The following PAK1 variants were observed in gnomAD, a reference collection of about 807,000 sequenced individuals.
PAK1 encodes p21 (RAC1) activated kinase 1.
In PAK1, 29 loss-of-function variants were observed where a neutral mutation model predicts 67.4. That is an observed-to-expected ratio of 0.43 (90% CI 0.32 to 0.59). The LOEUF (loss-of-function observed/expected upper bound fraction) is 0.59, where lower values mean the gene tolerates loss of function less well. Ranked by LOEUF, PAK1 falls within the 20% of genes least tolerant of loss-of-function variation. PAK1 has a pLI of 0.07. For synonymous variants in PAK1, 223 were observed against 237.4 expected (o/e 0.94, Z 0.56); for missense variants, 337 against 670.7 (o/e 0.50, Z 5.50).
chr11:77,456,089 C>T (rs1220422834), intron 1 of PAK1, among the ~76,000 whole-genome samples: 1 of 152,128 alleles, frequency 6.6e-6, no homozygotes, highest in Non-Finnish European at 1.5e-5. Flanking sequence ...TACCACTGCA[C>T]ATACTAGTTT....
Position 77,423,438 on chromosome 11 carries a change from CA to C in PAK1, c.-21-30898del, listed in dbSNP as rs1565692440. ...ACACACACACACACACACACACACA[CA>C]CACCCCTTAGGACAATAGTAATCAT... On this transcript the variant is annotated intron_variant, in intron 1 of 14. Transcript: ENST00000356341. Among the ~76,000 whole-genome samples, 24 of 151,034 alleles carry C rather than the reference CA, an allele frequency of 1.6e-4. No homozygotes were observed. The East Asian group carries it at 1.9e-3, about 12-fold the overall frequency.
the PAK1 span, among the ~76,000 whole-genome samples, chr11:77,515,221 G>A: frequency 1.3e-5 from 2 of 152,126 alleles, no homozygotes; most frequent in East Asian, 1.9e-4. Context: ...GTTAGCAAAC[G>A]TCACTGACTC....
At chr11:77,527,078 G>C in the PAK1 span, among the ~76,000 whole-genome samples, 1 of 152,024 alleles carries the variant, frequency 6.6e-6, no homozygotes, top group Non-Finnish European at 1.5e-5. Context: ...TAAGTGGATT[G>C]GTATAAGGTA....
At chr11:77,509,647 C>G in the PAK1 span, among the ~76,000 whole-genome samples, 1 of 152,146 alleles carries the variant, frequency 6.6e-6, no homozygotes, top group Non-Finnish European at 1.5e-5. Flanking sequence ...GGTGTTGGTT[C>G]ATGGCGGGTG....
intron 9 of PAK1, chr11:77,347,112 C>T (rs773494627): frequency 4.4e-6 from 2 of 455,862 alleles, no homozygotes; most frequent in East Asian, 6.9e-5. Flanking sequence ...CCTGACCACA[C>T]TGCATTAGCC....
intron 1 of PAK1, among the ~76,000 whole-genome samples, chr11:77,447,535 C>T (rs920021345): frequency 2.8e-5 from 4 of 144,692 alleles, no homozygotes; most frequent in African/African-American, 1.0e-4. Context: ...GAAACAGATT[C>T]TTTTTTTTTT....
chr11:77,527,985 G>A, the PAK1 span, among the ~76,000 whole-genome samples: 2 of 152,022 alleles, frequency 1.3e-5, no homozygotes, highest in Non-Finnish European at 2.9e-5. Flanking sequence ...AAGTAGCTGG[G>A]ACTACAGGCG....
chr11:77,330,704 C>A (rs893443626), intron 14 of PAK1, among the ~76,000 whole-genome samples: 5 of 152,134 alleles, frequency 3.3e-5, no homozygotes, highest in Non-Finnish European at 5.9e-5. Context: ...CTAGGCAATA[C>A]CATTCAGGAC....
At chr11:77,412,919 A>T (rs1954713924) in intron 1 of PAK1, among the ~76,000 whole-genome samples, 1 of 152,218 alleles carries the variant, frequency 6.6e-6, no homozygotes, top group African/African-American at 2.4e-5. Flanking sequence ...ATGGAACCTG[A>T]GCTGAACAAC....
chr11:77,373,352 C>T (rs1948681674), intron 5 of PAK1, among the ~76,000 whole-genome samples: 1 of 151,736 alleles, frequency 6.6e-6, no homozygotes, highest in Admixed American at 6.6e-5. Flanking sequence ...TAATGAGAAC[C>T]ACATCTCTAC....
At chr11:77,523,635 G>C in the PAK1 span, among the ~76,000 whole-genome samples, 1 of 152,058 alleles carries the variant, frequency 6.6e-6, no homozygotes, top group Admixed American at 6.5e-5. Context: ...GGCCAGGCTG[G>C]TCTCAAACTC....
chr11:77,417,376 C>A (rs1955022000), intron 1 of PAK1, among the ~76,000 whole-genome samples: 2 of 152,132 alleles, frequency 1.3e-5, no homozygotes, highest in African/African-American at 4.8e-5. Flanking sequence ...AGAAGCCAGT[C>A]TGAAAAGGCT....
At chr11:77,455,711 T>C (rs1321866318) in intron 1 of PAK1, among the ~76,000 whole-genome samples, 1 of 152,226 alleles carries the variant, frequency 6.6e-6, no homozygotes, top group African/African-American at 2.4e-5. Context: ...ACAAATAAGA[T>C]AGCATATAAT....
intron 8 of PAK1, chr11:77,349,591 C>A: frequency 2.9e-6 from 1 of 340,234 alleles, no homozygotes; most frequent in Non-Finnish European, 5.6e-6. Context: ...GTAAAGTGGA[C>A]ATAAGAGAAT....
In PAK1 at chr11:77,349,350, T is replaced by A. The variant is rs188541761; in HGVS notation, c.837-63A>T. The A allele has an allele frequency of 4.7e-6, 6 of 1,267,024 alleles. No individual in the cohort carries two copies. In the African/African-American group the frequency reaches 7.3e-5, roughly 15 times the overall value. 78.5% of individuals were successfully genotyped at this position (1,267,024 alleles called of 1,614,324 possible). A position where few individuals can be genotyped will look rare whatever the true frequency, so the allele number is the denominator to read the frequency against. Reference sequence around the variant, plus strand: ...ACAGTGTTCAATAAAGTGATATTTGTCAAATGCAGTTCTACACACAATCTG... The same window carrying A: ...ACAGTGTTCAATAAAGTGATATTTGACAAATGCAGTTCTACACACAATCTG... On this transcript the variant is annotated intron_variant, in intron 8 of 14. Coordinates refer to ENST00000356341, the MANE Select transcript of PAK1 (RefSeq NM_002576.5).
chr11:77,508,057 T>C, the PAK1 span, among the ~76,000 whole-genome samples: 2 of 152,236 alleles, frequency 1.3e-5, no homozygotes, highest in Non-Finnish European at 2.9e-5. Flanking sequence ...TTTCAGTTTC[T>C]GAACTTTCAT....
the PAK1 span, among the ~76,000 whole-genome samples, chr11:77,515,949 C>T: frequency 6.6e-6 from 1 of 152,140 alleles, no homozygotes; most frequent in African/African-American, 2.4e-5. Context: ...AGAAATGCTG[C>T]ACGTCTAGTG....
Position 77,355,682 on chromosome 11 carries a change from A to G in PAK1, c.758T>C (p.Ile253Thr), listed in dbSNP as rs773010540. ...AAATTCCTTACGTAATTTCTCCAAG[A>G]TCTCCTCATCAGACATTTTAGGCTT... ...KKKPKMSDEE[I>T]LEKLRSIVSV... Residue 253 changes from isoleucine (I) to threonine (T), a missense_variant, in exon 7 of 15, where the codon ATC becomes ACC. Coordinates refer to ENST00000356341, the MANE Select transcript of PAK1 (RefSeq NM_002576.5). 1 of 1,613,052 alleles carries G rather than the reference A, an allele frequency of 6.2e-7. No homozygotes were observed. The highest frequency in any genetic ancestry group is 1.1e-5 in the South Asian group (1 of 91,016).
chr11:77,356,913 C>A (rs1946109058), intron 6 of PAK1, among the ~76,000 whole-genome samples: 1 of 152,124 alleles, frequency 6.6e-6, no homozygotes, highest in Non-Finnish European at 1.5e-5. Context: ...CCAGGAGATG[C>A]TTCAAGGTAT....
Sources: allele counts gnomAD v4.1 joint callset (sites outside exome capture counted in the v4.1 genomes callset), GRCh38; gene constraint gnomAD v4.1.1; transcripts MANE v1.5; gene names NCBI Gene and HGNC (gene_info 2026-07-23, HGNC 2026-07-21).